The following PBRM1 variants were observed in gnomAD, a reference collection of about 807,000 sequenced individuals.
The protein encoded by PBRM1 is protein polybromo-1.
A neutral mutation model predicts 194.5 loss-of-function variants in PBRM1; 27 were observed. The ratio of observed to expected loss-of-function variants is 0.14; its 90% CI spans 0.10 to 0.19. The LOEUF (loss-of-function observed/expected upper bound fraction) is 0.19. Among genes scored for constraint, PBRM1 ranks in the 10% least tolerant of loss-of-function variants. The probability of loss-of-function intolerance (pLI) is 1.00; values close to 1 mark genes in which losing one functional copy is unlikely to be tolerated. For synonymous variants in PBRM1, 655 were observed against 693.2 expected (o/e 0.94, Z 0.87); for missense variants, 1,466 against 2,077.2 (o/e 0.71, Z 5.72).
At chr3:52,684,065 T>C (rs1212045299), upstream of PBRM1, among the ~76,000 whole-genome samples, 3 of 148,916 alleles carry the variant, frequency 2.0e-5, no homozygotes, top group African/African-American at 7.5e-5. Context: ...CTACTTGGGA[T>C]GCTGAGGTGA....
chr3:52,600,991 G>C (rs1249165689), intron 17 of PBRM1, among the ~76,000 whole-genome samples: 1 of 152,144 alleles, frequency 6.6e-6, no homozygotes, highest in Non-Finnish European at 1.5e-5. Context: ...GGTTCTTTTG[G>C]AGGTGTAATT....
chr3:52,643,206 T>C, intron 9 of PBRM1, 42 bp downstream of exon 10: 1 of 1,379,450 alleles, frequency 7.2e-7, no homozygotes, highest in Non-Finnish European at 1.0e-6. Context: ...CCTATCTTTA[T>C]AAGCACAGGT....
chr3:52,574,407 T>C (rs1261411364), intron 22 of PBRM1, among the ~76,000 whole-genome samples: 1 of 152,200 alleles, frequency 6.6e-6, no homozygotes, highest in Non-Finnish European at 1.5e-5. Context: ...AAGTCATGAA[T>C]TTCGAAGGGG....
intron 18 of PBRM1, among the ~76,000 whole-genome samples, chr3:52,588,381 CT>C (rs1314230113): frequency 1.3e-5 from 2 of 151,292 alleles, no homozygotes; most frequent in Middle Eastern, 3.2e-3. Flanking sequence ...ATAATAATTT[CT>C]TTTTTGATCA....
chr3:52,571,254 T>G (rs1575788352), intron 22 of PBRM1, among the ~76,000 whole-genome samples: 1 of 136,212 alleles, frequency 7.3e-6, no homozygotes, highest in African/African-American at 2.8e-5. Context: ...ACCCAGGAGG[T>G]GGAGGTTGCA....
intron 6 of PBRM1, among the ~76,000 whole-genome samples, chr3:52,650,612 A>G (rs1380427093): frequency 1.3e-5 from 2 of 151,832 alleles, no homozygotes; most frequent in African/African-American, 4.8e-5. Flanking sequence ...GGAGCAGCAA[A>G]CCCTTCTTAT....
chr3:52,588,070 G>A (rs2590838), intron 18 of PBRM1, among the ~76,000 whole-genome samples: 82,604 of 151,870 alleles, frequency 0.54, 23,019 homozygotes, highest in African/African-American at 0.64. Context: ...GCCATATAAA[G>A]TACATAATGA....
chr3:52,634,483 T>A, intron 11 of PBRM1, 119 bp downstream of exon 12: 1 of 662,914 alleles, frequency 1.5e-6, no homozygotes, highest in Non-Finnish European at 2.5e-6. Flanking sequence ...AATTTGAGGT[T>A]AAAAAAAAAC....
chr3:52,556,465 G>T (rs1164418768), intron 26 of PBRM1, among the ~76,000 whole-genome samples: 1 of 152,124 alleles, frequency 6.6e-6, no homozygotes, highest in Non-Finnish European at 1.5e-5. Context: ...TAAGTAGGCG[G>T]GAAATTTAAG....
At chr3:52,595,617 C>G (rs2164884) in intron 17 of PBRM1, among the ~76,000 whole-genome samples, 1 of 151,982 alleles carries the variant, frequency 6.6e-6, no homozygotes, top group South Asian at 2.1e-4. Context: ...TTTTTTCCCA[C>G]TCTGTGGGTT....
chr3:52,554,791 G>A (rs1215632261), exon 27 of PBRM1: 2 of 1,591,606 alleles, frequency 1.3e-6, no homozygotes, highest in East Asian at 2.3e-5. Flanking sequence ...GCCCCCCAGG[G>A]TGAAGTGGCT....
chr3:52,670,370 A>C (rs1358660112), intron 2 of PBRM1, among the ~76,000 whole-genome samples: 1 of 152,246 alleles, frequency 6.6e-6, no homozygotes, highest in Non-Finnish European at 1.5e-5. Context: ...GAAAACCATC[A>C]AAAGTAAGAA....
At chr3:52,586,644 A>C in exon 20 of PBRM1, 1 of 1,613,558 alleles carries the variant, frequency 6.2e-7, no homozygotes. Flanking sequence ...CACAGACAAA[A>C]ACATCCTCAT....
chr3:52,601,796 C>T (rs1414562556), intron 17 of PBRM1, among the ~76,000 whole-genome samples: 2 of 152,082 alleles, frequency 1.3e-5, no homozygotes, highest in Admixed American at 6.6e-5. Context: ...GGTGGGTTCC[C>T]GAGCCCTTGG....
At chr3:52,657,361 G>A (rs930614700) in intron 5 of PBRM1, among the ~76,000 whole-genome samples, 2 of 151,914 alleles carry the variant, frequency 1.3e-5, no homozygotes, top group African/African-American at 2.4e-5. Flanking sequence ...AACAAAAAAC[G>A]TAAAAATAAA....
At chr3:52,648,175 G>A (rs952717040) in intron 7 of PBRM1, among the ~76,000 whole-genome samples, 169 bp downstream of exon 8, 5 of 152,152 alleles carry the variant, frequency 3.3e-5, no homozygotes, top group Non-Finnish European at 5.9e-5. Context: ...ACAAAGTGCC[G>A]GGATTACAGG....
chr3:52,601,716 C>A (rs1238521929), intron 17 of PBRM1, among the ~76,000 whole-genome samples: 1 of 152,114 alleles, frequency 6.6e-6, no homozygotes, highest in Non-Finnish European at 1.5e-5. Context: ...CAGGTCCAGG[C>A]AGGCCAATTC....
intron 17 of PBRM1, among the ~76,000 whole-genome samples, chr3:52,594,734 T>C (rs1050036484): frequency 1.3e-5 from 2 of 152,234 alleles, no homozygotes; most frequent in Non-Finnish European, 2.9e-5. Context: ...TATTTAGTGC[T>C]TCTTTTGGGA....
chr3:52,613,479 G>A (rs933054451), intron 15 of PBRM1, among the ~76,000 whole-genome samples: 3 of 151,610 alleles, frequency 2.0e-5, no homozygotes, highest in Admixed American at 6.6e-5. Flanking sequence ...AGGACCACAG[G>A]TACATGCATG....
Sources: gnomAD v4.1 joint callset for allele counts (sites outside exome capture counted in the v4.1 genomes callset) on GRCh38, gnomAD v4.1.1 for gene constraint, MANE v1.5 for transcripts, NCBI Gene and HGNC (gene_info 2026-07-23, HGNC 2026-07-21) for gene names.